EML4: variants seen among roughly 807,000 people sequenced by gnomAD.
The protein encoded by EML4 is echinoderm microtubule-associated protein-like 4.
A neutral mutation model predicts 129.0 loss-of-function variants in EML4; 72 were observed. That is an observed-to-expected ratio of 0.56 (90% CI 0.46 to 0.68). The LOEUF (loss-of-function observed/expected upper bound fraction) is 0.68, where lower values mean the gene tolerates loss of function less well. EML4 is among the 30% of genes least tolerant of loss of function. The pLI is 0.00. For missense variants in EML4, 1,363 were observed against 1,190.6 expected, an observed-to-expected ratio of 1.14 and a Z score of -2.13; for synonymous variants, 532 against 405.0, an observed-to-expected ratio of 1.31 and a Z score of -3.77.
intron 1 of EML4, among the ~76,000 whole-genome samples, chr2:42,174,278 A>G (rs1163818368): frequency 1.3e-5 from 2 of 152,104 alleles, no homozygotes; most frequent in African/African-American, 2.4e-5. Context: ...AGATTCCCAA[A>G]TCTATAGTAT....
intron 1 of EML4, among the ~76,000 whole-genome samples, chr2:42,222,361 T>G (rs1002896487): frequency 1.3e-5 from 2 of 152,174 alleles, no homozygotes; most frequent in African/African-American, 4.8e-5. Context: ...CAAAAATGGT[T>G]TTTATATTTT....
Position 42,169,514 on chromosome 2 carries a change from G to C in EML4, c.-98G>C. The C allele has an allele frequency of 1.4e-6, 2 of 1,415,092 alleles. No homozygotes were observed. Among genetic ancestry groups the C allele is most frequent in the Non-Finnish European group, 1.9e-6 (2 of 1,058,316 alleles). 87.7% of individuals were successfully genotyped at this position (1,415,092 alleles called of 1,614,324 possible). On this transcript the variant is annotated 5_prime_UTR_variant, in exon 1 of 23. Coordinates refer to ENST00000318522, the MANE Select transcript of EML4 (RefSeq NM_019063.5). ...GCCGGTAGCCGAGCCGGGCGACCTA[G>C]AGAACGAGCGGGTCAGGCTCAGCGT... is the stretch of plus-strand genomic sequence containing the variant.
chr2:42,203,680 T>G (rs1489520409), intron 1 of EML4, among the ~76,000 whole-genome samples: 1 of 150,814 alleles, frequency 6.6e-6, no homozygotes, highest in Non-Finnish European at 1.5e-5. Context: ...CCACATATTT[T>G]GGTGTGAATT....
intron 19 of EML4, among the ~76,000 whole-genome samples, chr2:42,320,968 A>AG (rs35634706): frequency 6.6e-6 from 1 of 152,232 alleles, no homozygotes; most frequent in South Asian, 2.1e-4. Flanking sequence ...CATCAAAAAG[A>AG]GGGGGAAAAA....
intron 1 of EML4, among the ~76,000 whole-genome samples, chr2:42,205,416 C>G (rs982981328): frequency 6.6e-6 from 1 of 152,136 alleles, no homozygotes; most frequent in South Asian, 2.1e-4. Context: ...GAGATATACT[C>G]TAAAAGTAAA....
chr2:42,188,369 C>T (rs1234067570), intron 1 of EML4, among the ~76,000 whole-genome samples: 7 of 152,188 alleles, frequency 4.6e-5, no homozygotes, highest in South Asian at 2.1e-4. Flanking sequence ...TACAGGTGCA[C>T]ACCACCATGC....
intron 17 of EML4, among the ~76,000 whole-genome samples, chr2:42,311,938 G>C (rs1668976421): frequency 6.6e-6 from 1 of 152,134 alleles, no homozygotes; most frequent in Admixed American, 6.5e-5. Flanking sequence ...TTGAATTCCT[G>C]TGTTCAAGCA....
intron 1 of EML4, among the ~76,000 whole-genome samples, chr2:42,195,275 C>T (rs1045019851): frequency 5.9e-5 from 9 of 152,076 alleles, no homozygotes; most frequent in Admixed American, 4.6e-4. Context: ...ATGCCTTACA[C>T]GACTATTAAC....
intron 1 of EML4, among the ~76,000 whole-genome samples, chr2:42,179,776 AT>A (rs952306371): frequency 1.3e-5 from 2 of 151,818 alleles, no homozygotes; most frequent in African/African-American, 4.8e-5. Flanking sequence ...CTAGTTTTGT[AT>A]TTTTAGTAGA....
chr2:42,291,273 A>G (rs1667624338), intron 11 of EML4, among the ~76,000 whole-genome samples: 1 of 152,220 alleles, frequency 6.6e-6, no homozygotes, highest in Non-Finnish European at 1.5e-5. Flanking sequence ...AAGGTAAAAA[A>G]CAGTAAAGCT....
At chr2:42,187,524 G>T (rs1671331552) in intron 1 of EML4, among the ~76,000 whole-genome samples, 1 of 152,022 alleles carries the variant, frequency 6.6e-6, no homozygotes. Flanking sequence ...TTAGTTTATT[G>T]ACTAGATGAT....
At chr2:42,199,779 A>G (rs1672110175) in intron 1 of EML4, among the ~76,000 whole-genome samples, 1 of 152,208 alleles carries the variant, frequency 6.6e-6, no homozygotes, top group Non-Finnish European at 1.5e-5. Flanking sequence ...GGTAAGCAAG[A>G]GAAGGAACCG....
intron 1 of EML4, among the ~76,000 whole-genome samples, chr2:42,206,257 A>T (rs759073960): frequency 2.6e-5 from 4 of 152,200 alleles, no homozygotes; most frequent in Admixed American, 6.6e-5. Context: ...TCTGTCACCT[A>T]GGATGGAGTG....
chr2:42,218,449 G>A (rs1673344013), intron 1 of EML4, among the ~76,000 whole-genome samples: 1 of 152,058 alleles, frequency 6.6e-6, no homozygotes, highest in Non-Finnish European at 1.5e-5. Context: ...CTCCCCCGCT[G>A]CCCCTAGTCT....
In EML4 at chr2:42,330,478, T is replaced by C. The variant is rs752695112; in HGVS notation, c.*271T>C. ...CACAAATTACTGTGTACCTAAGTGG[T>C]GTGATGTAAATACTGGAAACAAAAA... On this transcript the variant is annotated 3_prime_UTR_variant, in exon 23 of 23. Transcript: ENST00000318522. 2 of 537,164 alleles carry C rather than the reference T, an allele frequency of 3.7e-6. No individual in the cohort carries two copies. Among genetic ancestry groups the C allele is most frequent in the East Asian group, 6.5e-5 (2 of 30,696 alleles). 33.3% of individuals were successfully genotyped at this position (537,164 alleles called of 1,614,324 possible).
At chr2:42,213,836 T>C (rs1673021175) in intron 1 of EML4, among the ~76,000 whole-genome samples, 1 of 152,250 alleles carries the variant, frequency 6.6e-6, no homozygotes, top group African/African-American at 2.4e-5. Flanking sequence ...TGTGTTTTCT[T>C]AAAACATATA....
At chr2:42,297,376 T>G (rs1458121581) in intron 13 of EML4, among the ~76,000 whole-genome samples, 5 of 152,282 alleles carry the variant, frequency 3.3e-5, no homozygotes, top group African/African-American at 1.2e-4. Flanking sequence ...GCCTTAATAT[T>G]TGTGTTCAGG....
intron 1 of EML4, among the ~76,000 whole-genome samples, chr2:42,220,236 ATTT>A (rs56896362): frequency 0.017 from 2,444 of 140,102 alleles, 78 homozygotes; most frequent in African/African-American, 0.06. Context: ...CAGATACTGT[ATTT>A]TTTTTTTTTT....
chr2:42,286,089 T>G (rs1667292878), intron 9 of EML4, 180 bp from the exon 10 acceptor site: 2 of 631,190 alleles, frequency 3.2e-6, no homozygotes, highest in African/African-American at 3.7e-5. Flanking sequence ...TGCTATTTTC[T>G]TATTTTCACA....
Sources: allele counts gnomAD v4.1 joint callset (sites outside exome capture counted in the v4.1 genomes callset), GRCh38; gene constraint gnomAD v4.1.1; transcripts MANE v1.5; gene names NCBI Gene and HGNC (gene_info 2026-07-23, HGNC 2026-07-21).